The following RNF126 variants were observed in gnomAD, a reference collection of about 807,000 sequenced individuals.
RNF126 encodes ring finger protein 126.
Under a neutral mutation model 41.9 loss-of-function variants are expected in RNF126, and 20 were observed. The ratio of observed to expected loss-of-function variants is 0.48; its 90% CI spans 0.34 to 0.69. The LOEUF is 0.69. Among genes scored for constraint, RNF126 ranks in the 30% least tolerant of loss-of-function variants. The probability of loss-of-function intolerance (pLI) is 0.01; values close to 1 mark genes in which losing one functional copy is unlikely to be tolerated. For missense variants in RNF126, 433 were observed against 460.6 expected (o/e 0.94, Z 0.55); for synonymous variants, 239 against 202.9 (o/e 1.18, Z -1.51).
At chr19:652,023 G>C in intron 3 of RNF126, 168 bp from the exon 4 acceptor site, 1 of 701,224 alleles carries the variant, frequency 1.4e-6, no homozygotes, top group Non-Finnish European at 2.3e-6. Flanking sequence ...CCCCGCTGGT[G>C]TGAGATGCCT....
At chr19:656,625 G>C (rs546071839) in intron 1 of RNF126, among the ~76,000 whole-genome samples, 24 of 152,250 alleles carry the variant, frequency 1.6e-4, no homozygotes, top group Admixed American at 6.5e-4. Flanking sequence ...TCCAGCCTGG[G>C]CCACAGAGTG....
At position 647,907 on chromosome 19, in the gene RNF126, C is replaced by A. The variant is rs777943233; in HGVS notation, c.*221G>T. ...TTAGAGGGTGAGGTTAGACAGAGGA[C>A]GGGGAGGCTGGGGACGCCCCAGAGG... is the stretch of plus-strand genomic sequence containing the variant. On this transcript the variant is annotated 3_prime_UTR_variant, in exon 9 of 9. Transcript: ENST00000292363. 2 of 636,518 alleles carry A rather than the reference C, an allele frequency of 3.1e-6. No homozygotes were observed. Among genetic ancestry groups the A allele is most frequent in the Non-Finnish European group, 5.6e-6 (2 of 359,360 alleles). The allele number at this position is 636,518 out of a possible 1,614,324, so 39.4% of individuals were successfully genotyped here. A position where few individuals can be genotyped will look rare whatever the true frequency, so the allele number is the denominator to read the frequency against.
In RNF126 at chr19:652,261, G is replaced by A. The variant is rs186536892; in HGVS notation, c.170C>T (p.Pro57Leu). 6.4e-7 allele frequency: 1 copy of A among 1,550,880 alleles called. No individual in the cohort carries two copies. Among genetic ancestry groups the A allele is most frequent in the African/African-American group, 1.4e-5 (1 of 72,160 alleles). ...TENGSAPSTA[P>L]TDQSRPPLEH... ...CAACGGTGGCCGGCTCTGGTCTGTG[G>A]GAGCTGTGGAGGGGGCAGAACCATT... The change falls in exon 3 of 9, where the codon CCC becomes CTC. Residue 57 changes from proline (P) to leucine (L), a missense_variant. Physicochemically the swap from Pro to Leu is moderately conservative, Grantham distance 98. Coordinates refer to ENST00000292363, the MANE Select transcript of RNF126 (RefSeq NM_194460.3).
intron 1 of RNF126, among the ~76,000 whole-genome samples, chr19:655,506 G>A (rs2144768672): frequency 6.6e-6 from 1 of 152,020 alleles, no homozygotes; most frequent in South Asian, 2.1e-4. Context: ...AAAAGTGGGG[G>A]GGGAAAGGAC....
chr19:651,947 C>T (rs745756255), intron 3 of RNF126, 92 bp from the exon 4 acceptor site: 87 of 1,243,878 alleles, frequency 7.0e-5, no homozygotes, highest in African/African-American at 9.1e-5. Context: ...GAAAGCAAGA[C>T]GGGCCCTGCT....
intron 6 of RNF126, 33 bp downstream of exon 6, chr19:649,646 C>A (rs966596508): frequency 6.5e-7 from 1 of 1,539,284 alleles, no homozygotes; most frequent in Non-Finnish European, 8.8e-7. Context: ...AGCCCTCCCC[C>A]AGCAGGCACT....
chr19:661,558 G>A (rs2030802633), intron 1 of RNF126, among the ~76,000 whole-genome samples: 1 of 152,124 alleles, frequency 6.6e-6, no homozygotes, highest in Admixed American at 6.5e-5. Context: ...GGCTTCAGTA[G>A]AGAGGAAACC....
At chr19:652,950 T>C (rs1306081329) in intron 1 of RNF126, 66 bp from the exon 2 acceptor site, 19 of 1,451,420 alleles carry the variant, frequency 1.3e-5, no homozygotes, top group South Asian at 5.9e-5. Flanking sequence ...CCCCCAAGTG[T>C]GAGGACAGAG....
At chr19:661,731 G>A (rs555789879) in intron 1 of RNF126, among the ~76,000 whole-genome samples, 1 of 152,198 alleles carries the variant, frequency 6.6e-6, no homozygotes, top group African/African-American at 2.4e-5. Flanking sequence ...CTTCTGGGGG[G>A]CTTGGACTTC....
At chr19:650,348 G>A (rs1206640691) in intron 4 of RNF126, 52 bp from the exon 5 acceptor site, 1 of 1,525,642 alleles carries the variant, frequency 6.6e-7, no homozygotes, top group Non-Finnish European at 8.9e-7. Context: ...GCACAGGAGA[G>A]GCGCCAGGCC....
At chr19:652,159 GT>G in intron 3 of RNF126, 73 bp downstream of exon 3, 1 of 1,248,976 alleles carries the variant, frequency 8.0e-7, no homozygotes, top group Non-Finnish European at 1.1e-6. Flanking sequence ...GGGAGGCGAG[GT>G]GGGGACAGGC....
At chr19:657,265 C>T (rs578069491) in intron 1 of RNF126, among the ~76,000 whole-genome samples, 4 of 152,370 alleles carry the variant, frequency 2.6e-5, no homozygotes, top group East Asian at 1.9e-4. Context: ...CCTGGCACAG[C>T]GCTCGGCCGC....
rs779237195 is a variant in RNF126, at chr19:651,831, G to C, written c.223C>G (p.Leu75Val). 107 of 1,611,476 alleles carry C rather than the reference G, an allele frequency of 6.6e-5. 1 individual carries two copies. The highest frequency in any genetic ancestry group is 6.5e-4 in the Admixed American group (39 of 59,944). Residue 75 changes from leucine to valine, a missense_variant, in exon 4 of 9, where the codon CTG becomes GTG. This residue lies in a region of RNF126 where 247 missense variants were observed against 224.7 expected (regional missense o/e 1.10). Coordinates refer to ENST00000292363, the MANE Select transcript of RNF126 (RefSeq NM_194460.3). ...LEHVDQHLFT[L>V]PQGYGQFAFG... ...GCAAACTGTCCGTAGCCCTGCGGCA[G>C]CGTGAACAGGTGCTGGTCCACGTGC...
At chr19:649,444 G>A (rs1171977299) in intron 6 of RNF126, 3 of 549,384 alleles carry the variant, frequency 5.5e-6, no homozygotes, top group Non-Finnish European at 9.8e-6. Flanking sequence ...AGTCCTCCCC[G>A]CGGTTTTGCT....
In RNF126 at chr19:648,186, G is replaced by C. The variant is rs748143806; in HGVS notation, c.878C>G (p.Ser293Trp). The C allele has an allele frequency of 6.2e-7, 1 of 1,607,574 alleles. No homozygotes were observed. Among genetic ancestry groups the C allele is most frequent in the East Asian group, 2.2e-5 (1 of 44,658 alleles). ...PGLTGVSFSS[S>W]SSSSSSSSPS... ...CGAGCTGGAGGAGGACGATGACGAC[G>C]AGGAGGAGAAGCTCACCCCAGTGAG... Residue 293 changes from serine to tryptophan, a missense_variant, in exon 9 of 9, where the codon TCG (serine) becomes TGG (tryptophan). Physicochemically the swap from Ser to Trp is radical, Grantham distance 177 (BLOSUM62 -3). Transcript: ENST00000292363.
intron 1 of RNF126, among the ~76,000 whole-genome samples, chr19:656,702 G>A (rs904504369): frequency 1.3e-5 from 2 of 152,154 alleles, no homozygotes; most frequent in African/African-American, 2.4e-5. Context: ...GACCACCACT[G>A]TGGCCCTGAG....
At chr19:655,713 C>T (rs1162166301) in intron 1 of RNF126, among the ~76,000 whole-genome samples, 2 of 152,138 alleles carry the variant, frequency 1.3e-5, no homozygotes, top group East Asian at 1.9e-4. Context: ...CCCAGAGAAA[C>T]GAAGACACCT....
chr19:648,586 G>A, intron 7 of RNF126, 99 bp from the exon 8 acceptor site: 1 of 970,308 alleles, frequency 1.0e-6, no homozygotes, highest in East Asian at 2.6e-5. Context: ...CCGCCCCTGA[G>A]CCCAGCGAGG....
In RNF126 at chr19:647,540, A is replaced by C. The variant is rs922558584; in HGVS notation, c.*588T>G. On this transcript the variant is annotated 3_prime_UTR_variant, in exon 9 of 9. Coordinates refer to ENST00000292363, the MANE Select transcript of RNF126 (RefSeq NM_194460.3). ...ACAGCACCGGCTTCTCTTTGTAAGT[A>C]GTGTATTTTAAATAGCTTTCAAGAT... The C allele has an allele frequency of 1.1e-4, 18 of 162,210 alleles. No homozygotes were observed. The highest frequency in any genetic ancestry group is 3.8e-4 in the African/African-American group (16 of 41,618). The allele number at this position is 162,210 out of a possible 1,614,324, so 10.0% of individuals were successfully genotyped here.
Sources: gnomAD v4.1 joint callset for allele counts (sites outside exome capture counted in the v4.1 genomes callset) on GRCh38, gnomAD v4.1.1 for gene constraint, gnomAD v4.1.1 regional missense constraint, MANE v1.5 for transcripts, NCBI Gene and HGNC (gene_info 2026-07-23, HGNC 2026-07-21) for gene names.